The following ANK1 variants were observed in gnomAD, a reference collection of about 807,000 sequenced individuals.
ANK1 encodes the protein ankyrin-1.
In ANK1, 51 loss-of-function variants were observed where a neutral mutation model predicts 210.4. That is an observed-to-expected ratio of 0.24 (90% CI 0.19 to 0.31). The LOEUF is 0.31. Among genes scored for constraint, ANK1 ranks in the 10% least tolerant of loss-of-function variants. The pLI is 1.00. For synonymous variants in ANK1, 967 were observed against 1,025.9 expected (o/e 0.94, Z 1.10); for missense variants, 2,051 against 2,504.4 (o/e 0.82, Z 3.86).
chr8:41,863,795 C>T (rs1813753149), intron 1 of ANK1, among the ~76,000 whole-genome samples: 2 of 152,194 alleles, frequency 1.3e-5, no homozygotes, highest in South Asian at 4.1e-4. Context: ...GGAACAGAGG[C>T]TCCCCTACCT....
At chr8:41,842,359 G>C (rs992583276) in intron 1 of ANK1, among the ~76,000 whole-genome samples, 1 of 152,126 alleles carries the variant, frequency 6.6e-6, no homozygotes, top group Non-Finnish European at 1.5e-5. Flanking sequence ...TGGGCGTGGT[G>C]GTGGGCGCCT....
At chr8:41,775,179 A>G (rs1843745481) in intron 1 of ANK1, among the ~76,000 whole-genome samples, 1 of 152,230 alleles carries the variant, frequency 6.6e-6, no homozygotes, top group Non-Finnish European at 1.5e-5. Flanking sequence ...TTCCTCAGCA[A>G]TGAAGAAAGA....
intron 1 of ANK1, among the ~76,000 whole-genome samples, chr8:41,774,095 G>A (rs1843517956): frequency 6.6e-6 from 1 of 152,188 alleles, no homozygotes; most frequent in African/African-American, 2.4e-5. Context: ...CTGCTGAATA[G>A]TTCTGGGACC....
At chr8:41,882,353 T>C (rs1449919185) in intron 1 of ANK1, among the ~76,000 whole-genome samples, 3 of 151,342 alleles carry the variant, frequency 2.0e-5, no homozygotes, top group Admixed American at 6.6e-5. Flanking sequence ...CAGTAGAGGG[T>C]TCCAGCTCAA....
intron 1 of ANK1, among the ~76,000 whole-genome samples, chr8:41,763,889 C>CTTTTTTTTTTTTT (rs869100297): frequency 2.0e-3 from 116 of 57,820 alleles, no homozygotes; most frequent in African/African-American, 4.4e-3. Flanking sequence ...TTCTTTTTTT[C>CTTTTTTTTTTTTT]TTTTTTTTTT....
intron 1 of ANK1, among the ~76,000 whole-genome samples, chr8:41,835,733 C>T (rs1807555454): frequency 6.6e-6 from 1 of 152,244 alleles, no homozygotes; most frequent in African/African-American, 2.4e-5. Context: ...TAGATGCAAC[C>T]TAGAACATGT....
intron 1 of ANK1, among the ~76,000 whole-genome samples, chr8:41,768,311 G>A (rs1842293850): frequency 6.6e-6 from 1 of 152,192 alleles, no homozygotes; most frequent in Non-Finnish European, 1.5e-5. Context: ...TGTATCATAA[G>A]CCGGCTTCTT....
At chr8:41,870,345 A>C (rs1286815313) in intron 1 of ANK1, among the ~76,000 whole-genome samples, 2 of 152,142 alleles carry the variant, frequency 1.3e-5, no homozygotes, top group East Asian at 3.8e-4. Context: ...TCTGAAAACA[A>C]GGCCGAGTCA....
intron 1 of ANK1, among the ~76,000 whole-genome samples, chr8:41,803,037 GAAAGAGAA>G (rs1485175014): frequency 4.1e-5 from 3 of 72,782 alleles, no homozygotes; most frequent in Admixed American, 1.7e-4. Context: ...AAGAAAGAAA[GAAAGAGAA>G]AGAAAGAAAG....
At chr8:41,665,541 A>T (rs1479520400) in intron 39 of ANK1, 2 of 329,242 alleles carry the variant, frequency 6.1e-6, no homozygotes, top group Non-Finnish European at 6.0e-6. Context: ...ACTTTCAGAA[A>T]ATAATACAGT....
chr8:41,848,998 A>ACC (rs1810653175), intron 1 of ANK1, among the ~76,000 whole-genome samples: 1 of 152,210 alleles, frequency 6.6e-6, no homozygotes, highest in Non-Finnish European at 1.5e-5. Flanking sequence ...CACCTGGAGC[A>ACC]TTATTGATTG....
At chr8:41,662,102 C>T (rs1018902690) in intron 40 of ANK1, among the ~76,000 whole-genome samples, 161 bp from the exon 41 acceptor site, 3 of 152,058 alleles carry the variant, frequency 2.0e-5, no homozygotes, top group Non-Finnish European at 2.9e-5. Context: ...ACTAAAAATA[C>T]AAAAATTAGC....
intron 1 of ANK1, among the ~76,000 whole-genome samples, chr8:41,823,654 C>T (rs1804856897): frequency 6.6e-6 from 1 of 151,896 alleles, no homozygotes; most frequent in Non-Finnish European, 1.5e-5. Flanking sequence ...GTTCCAGCTA[C>T]TCAGGAGGTT....
At chr8:41,889,023 T>G (rs1818934720) in intron 1 of ANK1, among the ~76,000 whole-genome samples, 1 of 152,226 alleles carries the variant, frequency 6.6e-6, no homozygotes, top group Non-Finnish European at 1.5e-5. Flanking sequence ...AAATTTTTTG[T>G]GGAGACTGGG....
At chr8:41,751,019 T>C (rs542223881) in intron 2 of ANK1, among the ~76,000 whole-genome samples, 1 of 152,338 alleles carries the variant, frequency 6.6e-6, no homozygotes, top group South Asian at 2.1e-4. Context: ...GGAACATCCA[T>C]GTCAATCTGA....
At chr8:41,771,676 C>T (rs755187068) in intron 1 of ANK1, among the ~76,000 whole-genome samples, 10 of 152,308 alleles carry the variant, frequency 6.6e-5, no homozygotes, top group Admixed American at 2.6e-4. Flanking sequence ...GGTCTCTCTG[C>T]AGACAAGCAT....
chr8:41,786,375 C>A (rs1846405644), intron 1 of ANK1, among the ~76,000 whole-genome samples: 1 of 152,182 alleles, frequency 6.6e-6, no homozygotes, highest in East Asian at 1.9e-4. Flanking sequence ...TCATAATGCC[C>A]CTGAGGAGAA....
chr8:41,760,497 C>A (rs537277562), intron 1 of ANK1, among the ~76,000 whole-genome samples: 1 of 152,284 alleles, frequency 6.6e-6, no homozygotes, highest in East Asian at 1.9e-4. Context: ...TATAAATTAC[C>A]CAGTCTCGGG....
At chr8:41,779,080 G>A (rs1844735756) in intron 1 of ANK1, among the ~76,000 whole-genome samples, 1 of 152,136 alleles carries the variant, frequency 6.6e-6, no homozygotes, top group Non-Finnish European at 1.5e-5. Context: ...GGTGACACTT[G>A]GGGAGCTGGA....
Sources: gnomAD v4.1 joint callset for allele counts (sites outside exome capture counted in the v4.1 genomes callset) on GRCh38, gnomAD v4.1.1 for gene constraint, MANE v1.5 for transcripts, NCBI Gene and HGNC (gene_info 2026-07-23, HGNC 2026-07-21) for gene names.